EDIL3: variants seen among roughly 807,000 people sequenced by gnomAD.
EDIL3 encodes EGF like and discoidin domains 3, also known as EGF-like repeat and discoidin I-like domain-containing protein 3.
A neutral mutation model predicts 67.4 loss-of-function variants in EDIL3; 37 were observed. The observed-to-expected ratio is 0.55, with a 90% CI of 0.42 to 0.72. EDIL3 has a LOEUF of 0.72. Among genes scored for constraint, EDIL3 ranks in the 30% least tolerant of loss-of-function variants. EDIL3 has a pLI of 0.00. For missense variants in EDIL3, 527 were observed against 586.3 expected (o/e 0.90, Z 1.04); for synonymous variants, 195 against 196.3 (o/e 0.99, Z 0.05).
intron 9 of EDIL3, among the ~76,000 whole-genome samples, chr5:83,973,498 T>C (rs1336427488): frequency 1.3e-5 from 2 of 152,076 alleles, no homozygotes; most frequent in African/African-American, 4.8e-5. Flanking sequence ...GTGTGAACGT[T>C]GTATAGGTCA....
intron 1 of EDIL3, among the ~76,000 whole-genome samples, chr5:84,375,002 T>C (rs1428355091): frequency 6.6e-6 from 1 of 150,554 alleles, no homozygotes; most frequent in Non-Finnish European, 1.5e-5. Context: ...AGACGGAGTC[T>C]CTCTCTGTCA....
intron 9 of EDIL3, among the ~76,000 whole-genome samples, chr5:84,008,422 G>T (rs1296647444): frequency 9.2e-5 from 14 of 151,910 alleles, no homozygotes; most frequent in Non-Finnish European, 2.1e-4. Flanking sequence ...CACCTACTAT[G>T]TACCCACAAA....
At chr5:84,370,348 T>C (rs1432953829) in intron 1 of EDIL3, among the ~76,000 whole-genome samples, 1 of 152,180 alleles carries the variant, frequency 6.6e-6, no homozygotes, top group African/African-American at 2.4e-5. Context: ...GTGTTGTCTC[T>C]TCCCCTCTGC....
At chr5:84,167,017 G>C (rs866454211) in intron 4 of EDIL3, among the ~76,000 whole-genome samples, 3 of 152,086 alleles carry the variant, frequency 2.0e-5, no homozygotes, top group Admixed American at 6.6e-5. Flanking sequence ...TCACTATAAA[G>C]ACTTTAGATT....
intron 1 of EDIL3, among the ~76,000 whole-genome samples, chr5:84,340,264 C>T (rs1747073602): frequency 6.6e-6 from 1 of 151,612 alleles, no homozygotes. Context: ...AAATCAGTGT[C>T]TCAGAGCACT....
In EDIL3 at chr5:84,010,622, C is replaced by T. The variant is rs1025388703; in HGVS notation, c.1138-47262G>A. ...TATTTAATGTGCATAATACTGTATACTGTTTTGTGCTTCCCATTTTACAAA... is the reference window on the plus strand; with the variant it reads ...TATTTAATGTGCATAATACTGTATATTGTTTTGTGCTTCCCATTTTACAAA... On this transcript the variant is annotated intron_variant, in intron 9 of 10. Transcript: ENST00000296591. 4.6e-5 allele frequency among the ~76,000 whole-genome samples: 7 copies of T among 152,100 alleles called. 1 individual carries two copies. The highest frequency in any genetic ancestry group is 3.9e-4 in the Admixed American group (6 of 15,254).
intron 1 of EDIL3, among the ~76,000 whole-genome samples, chr5:84,310,888 T>C (rs952492412): frequency 6.6e-6 from 1 of 152,142 alleles, no homozygotes; most frequent in Non-Finnish European, 1.5e-5. Flanking sequence ...CAGTCAAAAA[T>C]CAACCCTTGA....
chr5:84,172,695 T>C lies in EDIL3; in HGVS notation c.355+7698A>G, dbSNP rs148751338. ...TTGGTTTTCTAGTGGAAAAGTATAC[T>C]GTACAACCACCAGTACTGTACACCA... On this transcript the variant is annotated intron_variant, in intron 4 of 10. Transcript: ENST00000296591. Among the ~76,000 whole-genome samples the C allele has an allele frequency of 1.5e-4, 23 of 152,344 alleles. No individual in the cohort carries two copies. The East Asian group carries it at 4.0e-3, about 27-fold the overall frequency.
intron 3 of EDIL3, among the ~76,000 whole-genome samples, chr5:84,201,904 G>T (rs572722950): frequency 4.9e-4 from 75 of 152,130 alleles, no homozygotes; most frequent in Non-Finnish European, 1.0e-3. Flanking sequence ...GTGGTATGTA[G>T]ACAATGACAG....
chr5:84,181,969 A>T (rs1362517531), intron 3 of EDIL3, among the ~76,000 whole-genome samples: 1 of 152,156 alleles, frequency 6.6e-6, no homozygotes, highest in East Asian at 1.9e-4. Flanking sequence ...AGAGCCCTAG[A>T]GGATTTGTTC....
At chr5:84,236,675 T>G (rs547913467) in intron 2 of EDIL3, among the ~76,000 whole-genome samples, 4 of 152,258 alleles carry the variant, frequency 2.6e-5, no homozygotes, top group African/African-American at 7.2e-5. Flanking sequence ...GCAAATGTTT[T>G]AATTTTGCAC....
chr5:84,336,824 T>C (rs931146624), intron 1 of EDIL3, among the ~76,000 whole-genome samples: 8 of 152,088 alleles, frequency 5.3e-5, no homozygotes, highest in African/African-American at 1.9e-4. Context: ...CAAGGATATA[T>C]CTCCTCTGTT....
Position 84,365,104 on chromosome 5 carries a change from C to T in EDIL3, c.67+19204G>A, listed in dbSNP as rs112394295. On this transcript the variant is annotated intron_variant, in intron 1 of 10. Coordinates refer to ENST00000296591, the MANE Select transcript of EDIL3 (RefSeq NM_005711.5). ...GCAAACAATTATTGTATATTAAAAT[C>T]TTAAGTGCAATATGCACTTATTTTT... is the stretch of plus-strand genomic sequence containing the variant. Among the ~76,000 whole-genome samples the T allele has an allele frequency of 9.8e-3, 1,489 of 152,078 alleles. 19 individuals carry two copies. Among genetic ancestry groups the T allele is most frequent in the African/African-American group, 0.034 (1,398 of 41,510 alleles).
intron 9 of EDIL3, among the ~76,000 whole-genome samples, chr5:83,964,052 C>A (rs1744649084): frequency 6.6e-6 from 1 of 151,696 alleles, no homozygotes; most frequent in Admixed American, 6.6e-5. Flanking sequence ...ATAATGTGTT[C>A]TTTTCTGCAA....
chr5:84,132,421 A>G (rs531791766), intron 5 of EDIL3, among the ~76,000 whole-genome samples: 1,593 of 64,010 alleles, frequency 0.025, 181 homozygotes, highest in Non-Finnish European at 0.03. Flanking sequence ...CATATATTAT[A>G]TATTTTATAT....
chr5:84,220,341 A>G (rs866293383), intron 3 of EDIL3, among the ~76,000 whole-genome samples: 41 of 152,202 alleles, frequency 2.7e-4, no homozygotes, highest in African/African-American at 8.4e-4. Context: ...GTTTATACAG[A>G]ACAGGATAAA....
chr5:84,077,016 C>T (rs1438309243), intron 6 of EDIL3, among the ~76,000 whole-genome samples: 2 of 152,194 alleles, frequency 1.3e-5, no homozygotes, highest in Admixed American at 6.5e-5. Context: ...AAAGGATTGA[C>T]ATTTAATAAA....
At chr5:84,037,319 T>C (rs766488112) in intron 9 of EDIL3, among the ~76,000 whole-genome samples, 8 of 152,190 alleles carry the variant, frequency 5.3e-5, no homozygotes, top group Non-Finnish European at 1.0e-4. Context: ...GATCTCCCCA[T>C]TTTCTTTGTA....
At chr5:84,319,512 A>C (rs1426150351) in intron 1 of EDIL3, among the ~76,000 whole-genome samples, 1 of 128,610 alleles carries the variant, frequency 7.8e-6, no homozygotes, top group East Asian at 2.0e-4. Context: ...AAAAAAAAAA[A>C]AAAAAAAAAA....
Sources: gnomAD v4.1 joint callset for allele counts (sites outside exome capture counted in the v4.1 genomes callset) on GRCh38, gnomAD v4.1.1 for gene constraint, MANE v1.5 for transcripts, NCBI Gene and HGNC (gene_info 2026-07-23, HGNC 2026-07-21) for gene names.